The following UCK2 variants were observed in gnomAD, a reference collection of about 807,000 sequenced individuals.
The protein encoded by UCK2 is cytidine monophosphokinase 2.
In UCK2, 6 loss-of-function variants were observed where a neutral mutation model predicts 30.8. The observed-to-expected ratio is 0.19, with a 90% confidence interval of 0.11 to 0.38. The LOEUF is 0.38. Among genes scored for constraint, UCK2 ranks in the 10% least tolerant of loss-of-function variants. The pLI is 1.00. For missense variants in UCK2, 210 were observed against 339.8 expected (o/e 0.62, Z 3.00); for synonymous variants, 125 against 133.6 (o/e 0.94, Z 0.45).
chr1:165,832,671 C>T (rs1654080467), intron 1 of UCK2, among the ~76,000 whole-genome samples: 2 of 151,866 alleles, frequency 1.3e-5, no homozygotes, highest in African/African-American at 2.4e-5. Context: ...TGCAGGGGTG[C>T]GAACTCGGCT....
At chr1:165,835,427 C>T (rs1409730277) in intron 1 of UCK2, among the ~76,000 whole-genome samples, 2 of 149,588 alleles carry the variant, frequency 1.3e-5, no homozygotes, top group Non-Finnish European at 2.9e-5. Context: ...GCATGAACTC[C>T]TGGCCTCAAG....
At chr1:165,887,272 C>T (rs977662535) in intron 1 of UCK2, among the ~76,000 whole-genome samples, 2 of 152,176 alleles carry the variant, frequency 1.3e-5, no homozygotes, top group Admixed American at 6.5e-5. Context: ...AAACATGCAG[C>T]GGGGGATCAA....
intron 1 of UCK2, among the ~76,000 whole-genome samples, chr1:165,852,398 T>C (rs941753292): frequency 6.6e-6 from 1 of 152,078 alleles, no homozygotes; most frequent in Non-Finnish European, 1.5e-5. Context: ...CATCAAAAAG[T>C]GGAGAAAGGA....
intron 1 of UCK2, among the ~76,000 whole-genome samples, chr1:165,835,708 A>G (rs1654171038): frequency 6.6e-6 from 1 of 152,234 alleles, no homozygotes; most frequent in Admixed American, 6.5e-5. Flanking sequence ...TATTTGAGTC[A>G]GAAATGTTTA....
At chr1:165,882,325 A>G (rs1267596420) in intron 1 of UCK2, among the ~76,000 whole-genome samples, 1 of 152,224 alleles carries the variant, frequency 6.6e-6, no homozygotes, top group Non-Finnish European at 1.5e-5. Context: ...TCAGCTTTCA[A>G]GAGAACGTTT....
intron 3 of UCK2, chr1:165,891,719 T>C (rs754508236): frequency 2.0e-4 from 37 of 187,618 alleles, no homozygotes; most frequent in Non-Finnish European, 3.9e-4. Context: ...CCTGGTTTAC[T>C]TGGGATTGGA....
chr1:165,867,784 A>G (rs1571281064), intron 1 of UCK2, among the ~76,000 whole-genome samples: 1 of 152,228 alleles, frequency 6.6e-6, no homozygotes, highest in East Asian at 1.9e-4. Context: ...AACATCATGC[A>G]TGAGGCTTGG....
chr1:165,884,686 C>T (rs1571291060), intron 1 of UCK2, among the ~76,000 whole-genome samples: 1 of 152,226 alleles, frequency 6.6e-6, no homozygotes, highest in East Asian at 1.9e-4. Flanking sequence ...AAGACACACA[C>T]TAGAACTAAC....
intron 1 of UCK2, among the ~76,000 whole-genome samples, chr1:165,866,537 A>G (rs1412725361): frequency 6.6e-6 from 1 of 152,218 alleles, no homozygotes; most frequent in Non-Finnish European, 1.5e-5. Flanking sequence ...GGCAAAATAT[A>G]CATAACGTAA....
intron 1 of UCK2, among the ~76,000 whole-genome samples, chr1:165,855,388 AT>A (rs747355973): frequency 7.2e-5 from 11 of 151,932 alleles, no homozygotes; most frequent in Non-Finnish European, 1.6e-4. Flanking sequence ...ACTTCCTTAC[AT>A]TTTGTTTCAG....
chr1:165,888,735 A>C lies in UCK2; in HGVS notation c.100-1469A>C, dbSNP rs534756423. Among the ~76,000 whole-genome samples, 772 of 137,156 alleles carry C rather than the reference A, an allele frequency of 5.6e-3. 6 individuals are homozygous for C. The highest frequency in any genetic ancestry group is 0.019 in the African/African-American group (705 of 36,390). 90.0% of individuals were successfully genotyped at this position (137,156 alleles called of 152,430 possible). The stretch of plus-strand genomic sequence containing the variant: ...TGACCTCAAGCAATCCACCCCCTTC[A>C]GCCTCCCAAAGTTATGGGATTACAG... On this transcript the variant is annotated intron_variant, in intron 1 of 6. Coordinates refer to ENST00000367879, the MANE Select transcript of UCK2 (RefSeq NM_012474.5).
At chr1:165,839,714 G>T (rs1654277164) in intron 1 of UCK2, among the ~76,000 whole-genome samples, 1 of 152,104 alleles carries the variant, frequency 6.6e-6, no homozygotes, top group Non-Finnish European at 1.5e-5. Context: ...ATCCCTATTT[G>T]GCCACTTTTA....
At chr1:165,904,438 T>G (rs1557850996) in intron 5 of UCK2, among the ~76,000 whole-genome samples, 1 of 152,190 alleles carries the variant, frequency 6.6e-6, no homozygotes, top group Non-Finnish European at 1.5e-5. Flanking sequence ...GCTGTGAACT[T>G]CTTTCCACCC....
chr1:165,846,533 A>C (rs1049486007), intron 1 of UCK2, among the ~76,000 whole-genome samples: 1 of 152,166 alleles, frequency 6.6e-6, no homozygotes, highest in Non-Finnish European at 1.5e-5. Context: ...CAGACAGTTT[A>C]CCTGTAGGTC....
chr1:165,865,014 T>C (rs1022713352), intron 1 of UCK2, among the ~76,000 whole-genome samples: 42 of 152,036 alleles, frequency 2.8e-4, no homozygotes, highest in African/African-American at 9.6e-4. Context: ...CACACACACA[T>C]GCACACACAC....
intron 1 of UCK2, among the ~76,000 whole-genome samples, chr1:165,863,506 C>T (rs1654971594): frequency 6.6e-6 from 1 of 152,184 alleles, no homozygotes; most frequent in Non-Finnish European, 1.5e-5. Flanking sequence ...AATCCTCACC[C>T]GTTTGTCTGG....
chr1:165,856,660 C>T (rs190356554), intron 1 of UCK2, among the ~76,000 whole-genome samples: 10 of 152,156 alleles, frequency 6.6e-5, no homozygotes, highest in Non-Finnish European at 5.9e-5. Flanking sequence ...TTGTGATACA[C>T]GATTATATTA....
At chr1:165,835,715 T>G (rs900986638) in intron 1 of UCK2, among the ~76,000 whole-genome samples, 1 of 152,192 alleles carries the variant, frequency 6.6e-6, no homozygotes, top group Non-Finnish European at 1.5e-5. Flanking sequence ...GTCAGAAATG[T>G]TTATTTTTCT....
intron 1 of UCK2, among the ~76,000 whole-genome samples, chr1:165,884,391 A>C (rs1199293142): frequency 1.3e-5 from 2 of 152,174 alleles, no homozygotes. Context: ...AGACATCTTG[A>C]TGGGATTCAA....
Sources: allele counts gnomAD v4.1 joint callset (sites outside exome capture counted in the v4.1 genomes callset), GRCh38; gene constraint gnomAD v4.1.1; transcripts MANE v1.5; gene names NCBI Gene and HGNC (gene_info 2026-07-23, HGNC 2026-07-21).